Variants in TNNI3K observed in about 807,000 individuals in gnomAD.
TNNI3K encodes the protein TNNI3 interacting kinase.
TNNI3K carries 140 observed loss-of-function variants against 114.5 expected under a neutral mutation model. The observed-to-expected ratio is 1.22, with a 90% CI of 1.07 to 1.41. The LOEUF (loss-of-function observed/expected upper bound fraction) is 1.41. Among genes scored for constraint, TNNI3K ranks in the 40% most tolerant of loss-of-function variants. The pLI is 0.00. For missense variants in TNNI3K, 1,125 were observed against 1,007.6 expected (o/e 1.12, Z -1.58); for synonymous variants, 347 against 347.5 (o/e 1.00, Z 0.02).
rs191350561 is a variant in TNNI3K at position 74,481,018 on chromosome 1, G to A, written c.2122-8171G>A. 89 of 659,816 alleles carry A rather than the reference G, an allele frequency of 1.3e-4. No homozygotes were observed. In the African/African-American group the frequency reaches 1.5e-3, roughly 11 times the overall value. 40.9% of individuals were successfully genotyped at this position (659,816 alleles called of 1,614,324 possible). A position where few individuals can be genotyped will look rare whatever the true frequency, so the allele number is the denominator to read the frequency against. ...GATGCAGGGTACACATGAGTGGGAG[G>A]GAGGGGGTATGGTGGAGAGCAGAGA... On this transcript the variant is annotated intron_variant, in intron 21 of 24. Coordinates refer to ENST00000326637, the MANE Select transcript of TNNI3K (RefSeq NM_015978.3).
intron 2 of TNNI3K, among the ~76,000 whole-genome samples, chr1:74,242,931 C>G (rs1225565323): frequency 2.6e-5 from 4 of 152,076 alleles, no homozygotes; most frequent in African/African-American, 7.2e-5. Flanking sequence ...CATTTTCTCT[C>G]CCCCTTACCC....
intron 20 of TNNI3K, among the ~76,000 whole-genome samples, chr1:74,454,888 T>A (rs150635567): frequency 2.0e-5 from 3 of 152,270 alleles, no homozygotes; most frequent in African/African-American, 7.2e-5. Context: ...CATTCATTTA[T>A]TTTTTAAATG....
intron 5 of TNNI3K, among the ~76,000 whole-genome samples, chr1:74,289,249 G>A (rs1368950643): frequency 6.6e-6 from 1 of 151,826 alleles, no homozygotes; most frequent in Non-Finnish European, 1.5e-5. Flanking sequence ...ATGGATATAT[G>A]CTGTTTTGAT....
chr1:74,436,796 G>A (rs3765669), intron 19 of TNNI3K, among the ~76,000 whole-genome samples: 1,726 of 152,036 alleles, frequency 0.011, 30 homozygotes, highest in East Asian at 0.061. Context: ...AACGTTGTGG[G>A]CATGGATCTT....
At chr1:74,329,992 A>T (rs1660112274) in intron 5 of TNNI3K, among the ~76,000 whole-genome samples, 1 of 152,124 alleles carries the variant, frequency 6.6e-6, no homozygotes, top group Admixed American at 6.5e-5. Flanking sequence ...CAAAATGTGT[A>T]ATATTTGACC....
chr1:74,480,996 G>T, intron 21 of TNNI3K: 1 of 689,334 alleles, frequency 1.5e-6, no homozygotes, highest in East Asian at 2.7e-5. Context: ...CAGACTAGAT[G>T]CAGGGTACAC....
At chr1:74,399,156 T>TAAAA (rs1234711047) in intron 17 of TNNI3K, among the ~76,000 whole-genome samples, 20 of 76,784 alleles carry the variant, frequency 2.6e-4, no homozygotes, top group African/African-American at 6.8e-4. Flanking sequence ...CAAAACCCAT[T>TAAAA]AAAAAAAAAA....
At chr1:74,466,464 A>G (rs764462873) in intron 21 of TNNI3K, among the ~76,000 whole-genome samples, 1 of 152,216 alleles carries the variant, frequency 6.6e-6, no homozygotes, top group Non-Finnish European at 1.5e-5. Context: ...GCCAAAGGAT[A>G]CTGTTAAAAA....
chr1:74,363,577 C>T (rs553855537), intron 11 of TNNI3K, among the ~76,000 whole-genome samples: 3 of 152,018 alleles, frequency 2.0e-5, no homozygotes, highest in Middle Eastern at 3.4e-3. Flanking sequence ...CTCACACAGG[C>T]GCTCAGGATT....
intron 20 of TNNI3K, among the ~76,000 whole-genome samples, chr1:74,461,298 T>G (rs1667444062): frequency 6.6e-6 from 1 of 151,930 alleles, no homozygotes; most frequent in Admixed American, 6.5e-5. Flanking sequence ...GCTAACACAG[T>G]GAAATCCCAT....
At chr1:74,309,712 T>C (rs573964510) in intron 5 of TNNI3K, among the ~76,000 whole-genome samples, 4 of 152,068 alleles carry the variant, frequency 2.6e-5, no homozygotes, top group South Asian at 2.1e-4. Context: ...CAAGAACAAA[T>C]TATCATCTCA....
intron 21 of TNNI3K, among the ~76,000 whole-genome samples, chr1:74,476,105 G>A (rs149781592): frequency 9.9e-5 from 15 of 152,208 alleles, no homozygotes; most frequent in Admixed American, 3.9e-4. Flanking sequence ...AGATAAAACA[G>A]TTCCTGCAGT....
chr1:74,308,201 C>A (rs547541682), intron 5 of TNNI3K, among the ~76,000 whole-genome samples: 1 of 151,976 alleles, frequency 6.6e-6, no homozygotes, highest in African/African-American at 2.4e-5. Flanking sequence ...GCCTATCAAC[C>A]GCAGAATATA....
At chr1:74,510,551 A>G (rs1670136086) in intron 23 of TNNI3K, among the ~76,000 whole-genome samples, 1 of 152,148 alleles carries the variant, frequency 6.6e-6, no homozygotes, top group Non-Finnish European at 1.5e-5. Context: ...AGATTGTCAA[A>G]TCTCTTGAAT....
chr1:74,530,340 T>C (rs17613674), intron 23 of TNNI3K, among the ~76,000 whole-genome samples: 4,652 of 152,310 alleles, frequency 0.031, 114 homozygotes, highest in East Asian at 0.099. Flanking sequence ...ACTGCCTGGC[T>C]TAGGTTTGAA....
At chr1:74,271,870 A>G (rs45461097) in intron 5 of TNNI3K, among the ~76,000 whole-genome samples, 162 bp downstream of exon 5, 1,903 of 152,034 alleles carry the variant, frequency 0.013, 45 homozygotes, top group African/African-American at 0.043. Context: ...TGAGCTTTGG[A>G]TAGTCAATTC....
intron 17 of TNNI3K, among the ~76,000 whole-genome samples, chr1:74,401,666 A>C (rs1054718051): frequency 1.3e-5 from 2 of 152,220 alleles, no homozygotes; most frequent in African/African-American, 4.8e-5. Flanking sequence ...TTCTCCCATT[A>C]GGAGGTTAAG....
chr1:74,508,237 C>T (rs563624748), intron 23 of TNNI3K, among the ~76,000 whole-genome samples: 34 of 152,276 alleles, frequency 2.2e-4, no homozygotes, highest in African/African-American at 7.7e-4. Flanking sequence ...TGTAACAAAC[C>T]TGCACCTTGT....
chr1:74,389,373 G>A (rs988883064), intron 17 of TNNI3K, among the ~76,000 whole-genome samples: 2 of 152,198 alleles, frequency 1.3e-5, no homozygotes, highest in Admixed American at 1.3e-4. Context: ...ACATAAAGAT[G>A]TTGAAACTGA....
Sources: gnomAD v4.1 joint callset for allele counts (sites outside exome capture counted in the v4.1 genomes callset) on GRCh38, gnomAD v4.1.1 for gene constraint, MANE v1.5 for transcripts, NCBI Gene and HGNC (gene_info 2026-07-23, HGNC 2026-07-21) for gene names.